Variants in DCC observed in about 807,000 individuals in gnomAD.
DCC encodes the protein DCC netrin 1 receptor.
DCC carries 58 observed loss-of-function variants against 172.5 expected under a neutral mutation model. The observed-to-expected ratio is 0.34, with a 90% confidence interval of 0.27 to 0.42. DCC has a LOEUF of 0.42. DCC is among the 10% of genes least tolerant of loss of function. DCC has a pLI of 1.00. For synonymous variants in DCC, 709 were observed against 644.5 expected (o/e 1.10, Z -1.52); for missense variants, 1,740 against 1,791.0 (o/e 0.97, Z 0.51).
chr18:52,486,956 T>G (rs2030255396), intron 1 of DCC, among the ~76,000 whole-genome samples: 1 of 152,126 alleles, frequency 6.6e-6, no homozygotes, highest in African/African-American at 2.4e-5. Context: ...GAAAAACTCT[T>G]TTAGGCAGAA....
intron 1 of DCC, among the ~76,000 whole-genome samples, chr18:52,721,324 G>T (rs2036470840): frequency 6.6e-6 from 1 of 152,066 alleles, no homozygotes; most frequent in Non-Finnish European, 1.5e-5. Context: ...TTAATGTTGG[G>T]CTGTTCCTTC....
chr18:52,950,884 C>A (rs182379749), intron 5 of DCC, among the ~76,000 whole-genome samples: 1 of 130,866 alleles, frequency 7.6e-6, no homozygotes, highest in South Asian at 2.5e-4. Flanking sequence ...GAGATCAGAT[C>A]GCGCCACTGC....
chr18:52,764,445 T>C (rs2145153993), intron 2 of DCC, among the ~76,000 whole-genome samples: 1 of 152,370 alleles, frequency 6.6e-6, no homozygotes, highest in African/African-American at 2.4e-5. Context: ...GTTTGTGTTA[T>C]GACAGTGGAT....
At chr18:53,476,133 T>C (rs2045759274) in intron 25 of DCC, among the ~76,000 whole-genome samples, 1 of 152,200 alleles carries the variant, frequency 6.6e-6, no homozygotes, top group South Asian at 2.1e-4. Context: ...CCATTTTATA[T>C]AGGAAGTAAC....
chr18:53,231,356 A>G (rs907680309), intron 12 of DCC, among the ~76,000 whole-genome samples: 3 of 152,122 alleles, frequency 2.0e-5, no homozygotes, highest in Non-Finnish European at 4.4e-5. Context: ...TGATCATAAA[A>G]TACATAAAAT....
chr18:52,501,735 C>A (rs2031029172), intron 1 of DCC, among the ~76,000 whole-genome samples: 2 of 152,090 alleles, frequency 1.3e-5, no homozygotes, highest in African/African-American at 4.8e-5. Flanking sequence ...ATATTGCTGT[C>A]AAAATTTCTG....
intron 1 of DCC, among the ~76,000 whole-genome samples, chr18:52,491,535 G>T (rs1416163623): frequency 1.3e-5 from 2 of 152,026 alleles, no homozygotes; most frequent in East Asian, 1.9e-4. Flanking sequence ...TTAAAAAATA[G>T]ATTTCTCCAG....
intron 1 of DCC, among the ~76,000 whole-genome samples, chr18:52,640,266 A>G (rs2034864815): frequency 6.6e-6 from 1 of 152,158 alleles, no homozygotes; most frequent in African/African-American, 2.4e-5. Flanking sequence ...CTGAATTGGG[A>G]AAAGTTGAAA....
rs1181362326 is a variant in DCC at position 52,925,301 on chromosome 18, G to A, written c.916G>A (p.Gly306Arg). Reference sequence around the variant, plus strand: ...CTCCAATGTGACAGATGATGACAGTGGAATGTATACCTGTGTTGTCACATA... The same window carrying A: ...CTCCAATGTGACAGATGATGACAGTAGAATGTATACCTGTGTTGTCACATA... ...LISNVTDDDSGMYTCVVTYKN... is the reference protein window; with the variant it reads ...LISNVTDDDSRMYTCVVTYKN... Residue 306 changes from glycine (G) to arginine (R), a missense_variant, in exon 5 of 29, where the codon GGA becomes AGA. By Grantham distance (125) the Gly-to-Arg change is moderately radical (BLOSUM62 -2). Transcript: ENST00000442544. 20 of 1,612,188 alleles carry A rather than the reference G, an allele frequency of 1.2e-5. No individual in the cohort carries two copies. The highest frequency in any genetic ancestry group is 3.3e-5 in the South Asian group (3 of 91,076).
chr18:53,263,785 T>A (rs2056634458), intron 12 of DCC, among the ~76,000 whole-genome samples: 1 of 151,902 alleles, frequency 6.6e-6, no homozygotes, highest in African/African-American at 2.4e-5. Flanking sequence ...TAAATATTAC[T>A]TTTATATTTT....
chr18:52,624,947 T>A (rs907750186), intron 1 of DCC, among the ~76,000 whole-genome samples: 1 of 152,170 alleles, frequency 6.6e-6, no homozygotes, highest in East Asian at 1.9e-4. Flanking sequence ...TTAGGTGATT[T>A]GGTTGTTGTG....
intron 1 of DCC, among the ~76,000 whole-genome samples, chr18:52,510,937 A>G (rs189324386): frequency 6.6e-6 from 1 of 152,306 alleles, no homozygotes; most frequent in African/African-American, 2.4e-5. Flanking sequence ...AAAAGCTAGA[A>G]GAGGGAAGAG....
At chr18:52,589,098 A>G (rs1036385562) in intron 1 of DCC, among the ~76,000 whole-genome samples, 4 of 152,198 alleles carry the variant, frequency 2.6e-5, no homozygotes, top group African/African-American at 9.7e-5. Context: ...ATCTAGCTTT[A>G]AAATATGTTG....
intron 27 of DCC, among the ~76,000 whole-genome samples, chr18:53,507,892 CTTT>C (rs780896758): frequency 3.1e-5 from 4 of 130,960 alleles, no homozygotes; most frequent in African/African-American, 9.1e-5. Context: ...ACAGATACCA[CTTT>C]TTTTTTTTTT....
At chr18:53,244,828 C>T (rs1598941847) in intron 12 of DCC, among the ~76,000 whole-genome samples, 1 of 151,986 alleles carries the variant, frequency 6.6e-6, no homozygotes, top group South Asian at 2.1e-4. Flanking sequence ...TATCTTTACC[C>T]CAGAATCACA....
chr18:52,682,400 G>A (rs1256784645), intron 1 of DCC, among the ~76,000 whole-genome samples: 1 of 151,994 alleles, frequency 6.6e-6, no homozygotes, highest in African/African-American at 2.4e-5. Context: ...AGGATTTGGA[G>A]GAAAATGCAT....
intron 12 of DCC, among the ~76,000 whole-genome samples, chr18:53,291,681 T>G (rs1244533296): frequency 1.3e-5 from 2 of 152,152 alleles, no homozygotes; most frequent in African/African-American, 4.8e-5. Flanking sequence ...TCAAATATAT[T>G]ATATTGCTTT....
At chr18:52,424,174 T>A (rs1277279843) in intron 1 of DCC, among the ~76,000 whole-genome samples, 2 of 152,194 alleles carry the variant, frequency 1.3e-5, no homozygotes, top group Non-Finnish European at 2.9e-5. Context: ...GCTTTAAAAC[T>A]GAATATTATA....
chr18:52,894,418 CAT>C (rs1568172746), intron 2 of DCC, among the ~76,000 whole-genome samples: 2 of 140,378 alleles, frequency 1.4e-5, no homozygotes, highest in African/African-American at 2.6e-5. Flanking sequence ...CACACACACA[CAT>C]GCATACACAC....
Sources: gnomAD v4.1 joint callset for allele counts (sites outside exome capture counted in the v4.1 genomes callset) on GRCh38, gnomAD v4.1.1 for gene constraint, MANE v1.5 for transcripts, NCBI Gene and HGNC (gene_info 2026-07-23, HGNC 2026-07-21) for gene names.